Variants in NFIA observed in about 807,000 individuals in gnomAD.
NFIA encodes the protein nuclear factor 1 A-type.
In NFIA, 8 loss-of-function variants were observed where a neutral mutation model predicts 62.8. The ratio of observed to expected loss-of-function variants is 0.13; its 90% CI spans 0.07 to 0.23. The LOEUF is 0.23. Ranked by LOEUF, NFIA falls within the 10% of genes least tolerant of loss-of-function variation. The pLI is 1.00. For synonymous variants in NFIA, 235 were observed against 238.1 expected (o/e 0.99, Z 0.12); for missense variants, 410 against 642.1 (o/e 0.64, Z 3.91).
intron 3 of NFIA, among the ~76,000 whole-genome samples, chr1:61,286,155 G>C (rs1182033190): frequency 6.6e-6 from 1 of 152,018 alleles, no homozygotes; most frequent in South Asian, 2.1e-4. Flanking sequence ...AGGCCGGGCA[G>C]GATGGCTCAC....
chr1:61,106,654 G>T lies in NFIA; in HGVS notation c.559+17974G>T, dbSNP rs188359593. Among the ~76,000 whole-genome samples the T allele has an allele frequency of 3.8e-3, 570 of 151,638 alleles. 7 individuals carry two copies. Among genetic ancestry groups the T allele is most frequent in the African/African-American group, 0.013 (532 of 41,456 alleles). The stretch of plus-strand genomic sequence containing the variant: ...TCTTTTATTGTAACAAACATTCCTG[G>T]TTTAATTTCTTATTTTCACTTTATT... On this transcript the variant is annotated intron_variant, in intron 2 of 10. Transcript: ENST00000403491.
rs565235479 is a variant in NFIA at position 61,369,703 on chromosome 1, G to T, written c.946+10429G>T. Among the ~76,000 whole-genome samples, 3 of 151,982 alleles carry T rather than the reference G, an allele frequency of 2.0e-5. No homozygotes were observed. The East Asian group carries it at 5.8e-4, about 29-fold the overall frequency. On this transcript the variant is annotated intron_variant, in intron 6 of 10. Transcript: ENST00000403491. ...CTGCTGAAATTTTAAATATATAAGC[G>T]TTTTATAAGTAATAGCAATAACTGA...
chr1:61,424,043 T>A (rs1666755945), intron 9 of NFIA, among the ~76,000 whole-genome samples: 1 of 152,060 alleles, frequency 6.6e-6, no homozygotes, highest in Admixed American at 6.6e-5. Flanking sequence ...CTCTTACCAT[T>A]GTTCTTTTTC....
chr1:61,354,133 C>A (rs1488520403), intron 5 of NFIA, among the ~76,000 whole-genome samples: 1 of 152,132 alleles, frequency 6.6e-6, no homozygotes, highest in African/African-American at 2.4e-5. Context: ...TCTTTTGTGA[C>A]TCTCTGAGAG....
At chr1:61,410,481 T>C (rs1456417384) in intron 9 of NFIA, among the ~76,000 whole-genome samples, 4 of 152,228 alleles carry the variant, frequency 2.6e-5, no homozygotes, top group Admixed American at 6.5e-5. Context: ...ATTCAGTACA[T>C]GTGCTCAGCA....
chr1:61,373,897 A>G (rs907364876), intron 6 of NFIA, among the ~76,000 whole-genome samples: 5 of 152,156 alleles, frequency 3.3e-5, no homozygotes, highest in East Asian at 3.8e-4. Flanking sequence ...ATTTGGTATC[A>G]TATCATAGAG....
chr1:61,341,325 A>G (rs1045063975), intron 4 of NFIA, among the ~76,000 whole-genome samples: 2 of 152,106 alleles, frequency 1.3e-5, no homozygotes, highest in Non-Finnish European at 2.9e-5. Flanking sequence ...TGCTGGGATT[A>G]CAGGTGTGAG....
chr1:61,383,458 C>A, intron 7 of NFIA, 93 bp downstream of exon 7: 1 of 1,514,074 alleles, frequency 6.6e-7, no homozygotes, highest in South Asian at 1.2e-5. Context: ...TCCCCCTGAA[C>A]ACTCGTGAGG....
At chr1:61,252,904 T>C (rs990643440) in intron 2 of NFIA, among the ~76,000 whole-genome samples, 5 of 152,228 alleles carry the variant, frequency 3.3e-5, no homozygotes, top group African/African-American at 1.2e-4. Flanking sequence ...TCCTACTCTT[T>C]ACAGAGTTTT....
intron 6 of NFIA, among the ~76,000 whole-genome samples, chr1:61,375,233 T>C (rs1168776905): frequency 6.6e-6 from 1 of 152,138 alleles, no homozygotes; most frequent in Admixed American, 6.6e-5. Context: ...GTAAATCTGA[T>C]GGTGGATGAC....
At chr1:61,176,764 G>A (rs1650378383) in intron 2 of NFIA, among the ~76,000 whole-genome samples, 1 of 151,866 alleles carries the variant, frequency 6.6e-6, no homozygotes, top group South Asian at 2.1e-4. Context: ...TTTAATATGA[G>A]CAGAATCAAA....
intron 8 of NFIA, among the ~76,000 whole-genome samples, chr1:61,406,150 A>G (rs926956599): frequency 1.3e-5 from 2 of 152,228 alleles, no homozygotes; most frequent in African/African-American, 4.8e-5. Flanking sequence ...TCCATAAAAC[A>G]CTTAGATATT....
At chr1:61,119,345 T>C (rs1200324000) in intron 2 of NFIA, among the ~76,000 whole-genome samples, 1 of 152,148 alleles carries the variant, frequency 6.6e-6, no homozygotes, top group Non-Finnish European at 1.5e-5. Context: ...TCATATGAGG[T>C]AATTCAGTTA....
At chr1:61,240,983 T>TA (rs1655316672) in intron 2 of NFIA, among the ~76,000 whole-genome samples, 1 of 151,686 alleles carries the variant, frequency 6.6e-6, no homozygotes, top group African/African-American at 2.4e-5. Context: ...TTTTTTTTTT[T>TA]AGTCCAGTTC....
intron 10 of NFIA, among the ~76,000 whole-genome samples, chr1:61,450,003 C>G (rs932625186): frequency 6.6e-6 from 1 of 152,258 alleles, no homozygotes; most frequent in East Asian, 1.9e-4. Flanking sequence ...AAAGTGACAC[C>G]AATCCTGAGT....
At chr1:61,164,754 C>T (rs1170894998) in intron 2 of NFIA, among the ~76,000 whole-genome samples, 1 of 152,132 alleles carries the variant, frequency 6.6e-6, no homozygotes, top group African/African-American at 2.4e-5. Context: ...GCCACCACGT[C>T]CAGCCAAATG....
upstream of NFIA, chr1:61,082,080 TGGG>T (rs1344198971): frequency 9.5e-6 from 14 of 1,480,784 alleles, no homozygotes; most frequent in East Asian, 3.6e-4. Flanking sequence ...GGTGGGGGGA[TGGG>T]GACGAGGAAA....
At chr1:61,246,339 TCAA>T (rs996216075) in intron 2 of NFIA, among the ~76,000 whole-genome samples, 1 of 152,222 alleles carries the variant, frequency 6.6e-6, no homozygotes, top group Non-Finnish European at 1.5e-5. Context: ...GATATGTTCA[TCAA>T]CGTTATTTTG....
chr1:61,304,150 C>A (rs1021630344), intron 3 of NFIA, among the ~76,000 whole-genome samples: 5 of 152,144 alleles, frequency 3.3e-5, no homozygotes, highest in African/African-American at 1.2e-4. Flanking sequence ...GTGGCACGTG[C>A]CTGTAATCCC....
Sources: allele counts gnomAD v4.1 joint callset (sites outside exome capture counted in the v4.1 genomes callset), GRCh38; gene constraint gnomAD v4.1.1; transcripts MANE v1.5; gene names NCBI Gene and HGNC (gene_info 2026-07-23, HGNC 2026-07-21).